The following MS4A14 variants were observed in gnomAD, a reference collection of about 807,000 sequenced individuals.
MS4A14 encodes the protein membrane-spanning 4-domains subfamily A member 14.
MS4A14 carries 18 observed loss-of-function variants against 16.7 expected under a neutral mutation model. That is an observed-to-expected ratio of 1.08 (90% CI 0.75 to 1.60). The LOEUF is 1.60. Among genes scored for constraint, MS4A14 ranks in the 40% most tolerant of loss-of-function variants. MS4A14 has a pLI of 0.00. For missense variants in MS4A14, 812 were observed against 775.3 expected, an observed-to-expected ratio of 1.05 and a Z score of -0.56; for synonymous variants, 305 against 289.4, an observed-to-expected ratio of 1.05 and a Z score of -0.55.
intron 4 of MS4A14, among the ~76,000 whole-genome samples, chr11:60,405,321 C>G (rs1239976368): frequency 6.6e-6 from 1 of 152,184 alleles, no homozygotes; most frequent in African/African-American, 2.4e-5. Context: ...TCAGTTAATC[C>G]TCCTGCCTTG....
intron 1 of MS4A14, 37 bp downstream of exon 1, chr11:60,396,753 GAGAAA>G (rs1425917748): frequency 2.5e-6 from 4 of 1,591,614 alleles, no homozygotes; most frequent in Non-Finnish European, 3.4e-6. Flanking sequence ...TCCAGAAGGG[GAGAAA>G]AGAAGTTTAT....
Position 60,416,502 on chromosome 11 carries a change from T to A in MS4A14, c.1534T>A (p.Ser512Thr). 1.9e-6 allele frequency: 3 copies of A among 1,613,786 alleles called. No homozygotes were observed. The highest frequency in any genetic ancestry group is 2.5e-6 in the Non-Finnish European group (3 of 1,179,916). The change falls in exon 5 of 5, where the codon TCC (serine) becomes ACC (threonine). Residue 512 changes from serine to threonine, a missense_variant. Coordinates refer to ENST00000300187, the MANE Select transcript of MS4A14 (RefSeq NM_032597.5). Reference protein sequence around the residue: ...SLDVQAKGQKSSKRHSLDQQS... With the variant: ...SLDVQAKGQKTSKRHSLDQQS... ...AGACGTGCAAGCCAAAGGCCAGAAA[T>A]CCTCAAAGAGGCATTCCTTAGATCA...
At chr11:60,413,514 CT>C (rs2085897145) in intron 4 of MS4A14, among the ~76,000 whole-genome samples, 1 of 151,880 alleles carries the variant, frequency 6.6e-6, no homozygotes, top group Non-Finnish European at 1.5e-5. Context: ...TGGGTATTGG[CT>C]TTTGTCATTT....
Position 60,415,956 on chromosome 11 carries a change from C to T in MS4A14, c.988C>T (p.Leu330=), listed in dbSNP as rs267603054. ...LPSQALPVEG[L]SEQTMPSKST... is the part of the protein sequence containing the mutation. ...ATCCCAAGCTCTACCAGTAGAAGGC[C>T]TGTCAGAACAAACCATGCCATCTAA... The change falls in exon 5 of 5, where the codon CTG becomes TTG. Residue 330 remains leucine, a synonymous_variant. Coordinates refer to ENST00000300187, the MANE Select transcript of MS4A14 (RefSeq NM_032597.5). The T allele has an allele frequency of 6.2e-7, 1 of 1,613,920 alleles. No individual in the cohort carries two copies. The highest frequency in any genetic ancestry group is 1.1e-5 in the South Asian group (1 of 91,068).
chr11:60,408,331 G>A (rs2085818828), intron 4 of MS4A14, among the ~76,000 whole-genome samples: 1 of 151,990 alleles, frequency 6.6e-6, no homozygotes, highest in Non-Finnish European at 1.5e-5. Context: ...TAACATAATA[G>A]TTATCATTTT....
At chr11:60,405,529 T>C (rs2085774451) in intron 4 of MS4A14, among the ~76,000 whole-genome samples, 2 of 152,202 alleles carry the variant, frequency 1.3e-5, no homozygotes, top group South Asian at 4.1e-4. Context: ...AGCCTGTATA[T>C]ATGTTCTATC....
intron 2 of MS4A14, 128 bp downstream of exon 2, chr11:60,398,108 C>G: frequency 1.1e-6 from 1 of 907,670 alleles, no homozygotes; most frequent in Admixed American, 2.9e-5. Flanking sequence ...GCTCCCTTCA[C>G]GGCAAAAGAA....
intron 4 of MS4A14, among the ~76,000 whole-genome samples, chr11:60,405,027 A>G (rs2085766523): frequency 6.6e-6 from 1 of 152,156 alleles, no homozygotes; most frequent in Admixed American, 6.5e-5. Flanking sequence ...CAGGGAAACC[A>G]AGATTCAGAA....
intron 4 of MS4A14, among the ~76,000 whole-genome samples, chr11:60,410,843 G>GTTT (rs2085858809): frequency 6.8e-6 from 1 of 146,242 alleles, no homozygotes; most frequent in Admixed American, 6.9e-5. Context: ...TTTTTTTTTT[G>GTTT]TTTGTTTTTT....
At chr11:60,396,820 T>C in intron 1 of MS4A14, 104 bp downstream of exon 1, 1 of 1,217,718 alleles carries the variant, frequency 8.2e-7, no homozygotes, top group Non-Finnish European at 1.1e-6. Flanking sequence ...AGGGAGGGAG[T>C]TAATTCTACT....
At position 60,416,181 on chromosome 11, in the gene MS4A14, A is replaced by G. The variant is rs1299943654; in HGVS notation, c.1213A>G (p.Met405Val). 6.2e-7 allele frequency: 1 copy of G among 1,613,542 alleles called. No homozygotes were observed. The change falls in exon 5 of 5, where the codon ATG (methionine) becomes GTG (valine). Residue 405 changes from methionine (M) to valine (V), a missense_variant. Physicochemically the swap from Met to Val is conservative, Grantham distance 21. Transcript: ENST00000300187. ...MPPQDIPSQD[M>V]LSQALSAHAI... The stretch of plus-strand genomic sequence containing the variant: ...ACCTCAAGACATACCTTCCCAAGAT[A>G]TGCTATCCCAAGCTCTATCAGCGCA...
chr11:60,407,962 C>T (rs899880729), intron 4 of MS4A14, among the ~76,000 whole-genome samples: 1 of 152,126 alleles, frequency 6.6e-6, no homozygotes, highest in African/African-American at 2.4e-5. Flanking sequence ...GTTTTCCCTA[C>T]CCCCAAATCA....
At chr11:60,413,124 T>C (rs1406606575) in intron 4 of MS4A14, among the ~76,000 whole-genome samples, 1 of 151,940 alleles carries the variant, frequency 6.6e-6, no homozygotes, top group Non-Finnish European at 1.5e-5. Flanking sequence ...GTATTTTTAA[T>C]TTTATTTTTT....
At chr11:60,404,293 AT>A (rs1229732220) in intron 4 of MS4A14, among the ~76,000 whole-genome samples, 2 of 152,192 alleles carry the variant, frequency 1.3e-5, no homozygotes, top group Non-Finnish European at 2.9e-5. Flanking sequence ...TAACTTAACA[AT>A]TTCTTGCTGT....
chr11:60,411,449 T>A (rs1033359899), intron 4 of MS4A14, among the ~76,000 whole-genome samples: 1 of 152,252 alleles, frequency 6.6e-6, no homozygotes, highest in Non-Finnish European at 1.5e-5. Flanking sequence ...TCAGCAATGA[T>A]TTATATTTTT....
Position 60,417,647 on chromosome 11 carries a change from A to G in MS4A14, c.*639A>G, listed in dbSNP as rs2085966585. The G allele has an allele frequency of 6.6e-6, 1 of 152,198 alleles. No homozygotes were observed. Among genetic ancestry groups the G allele is most frequent in the Non-Finnish European group, 1.5e-5 (1 of 68,046 alleles). 9.4% of individuals were successfully genotyped at this position (152,198 alleles called of 1,614,324 possible). On this transcript the variant is annotated 3_prime_UTR_variant, in exon 5 of 5. Transcript: ENST00000300187. Reference sequence around the variant, plus strand: ...AAATGAAGGGCATGCTGAGCACTCAAACAATTTGTTCTTACTTAAAATAAA... The same window carrying G: ...AAATGAAGGGCATGCTGAGCACTCAGACAATTTGTTCTTACTTAAAATAAA...
At chr11:60,408,219 A>G (rs2085816219) in intron 4 of MS4A14, among the ~76,000 whole-genome samples, 1 of 152,184 alleles carries the variant, frequency 6.6e-6, no homozygotes, top group South Asian at 2.1e-4. Flanking sequence ...TCTTTTGGAT[A>G]CTTTTTCCCT....
intron 4 of MS4A14, chr11:60,404,798 C>G (rs1464644177): frequency 6.9e-6 from 2 of 289,692 alleles, no homozygotes; most frequent in Non-Finnish European, 6.9e-6. Context: ...CGCATAGCTC[C>G]CAATCCTTCT....
At chr11:60,414,614 G>C (rs1363416095) in intron 4 of MS4A14, among the ~76,000 whole-genome samples, 1 of 152,132 alleles carries the variant, frequency 6.6e-6, no homozygotes, top group Admixed American at 6.6e-5. Context: ...GGTTGTATCA[G>C]ATGTGGTCAC....
Sources: gnomAD v4.1 joint callset for allele counts (sites outside exome capture counted in the v4.1 genomes callset) on GRCh38, gnomAD v4.1.1 for gene constraint, MANE v1.5 for transcripts, NCBI Gene and HGNC (gene_info 2026-07-23, HGNC 2026-07-21) for gene names.